Variants in KCNT1 observed in about 807,000 individuals in gnomAD.
KCNT1 encodes potassium channel subfamily T member 1.
In KCNT1, 78 loss-of-function variants were observed where a neutral mutation model predicts 147.8. The ratio of observed to expected loss-of-function variants is 0.53; its 90% confidence interval spans 0.44 to 0.64. The LOEUF is 0.64. KCNT1 is among the 30% of genes least tolerant of loss of function. The pLI, the probability that KCNT1 is intolerant of heterozygous loss-of-function variation, is 0.00. For missense variants in KCNT1, 1,419 were observed against 1,750.3 expected (o/e 0.81, Z 3.38); for synonymous variants, 867 against 748.8 (o/e 1.16, Z -2.58).
chr9:135,785,868 A>G (rs1834004084), intron 28 of KCNT1: 1 of 462,996 alleles, frequency 2.2e-6, no homozygotes, highest in Middle Eastern at 5.9e-4. Flanking sequence ...TGGGGTCCAG[A>G]TGGGTCCCAG....
intron 20 of KCNT1, among the ~76,000 whole-genome samples, chr9:135,776,473 C>T (rs781258946): frequency 3.9e-5 from 6 of 152,116 alleles, no homozygotes; most frequent in African/African-American, 9.7e-5. Context: ...CACTATGTTG[C>T]CCAGGCTAGT....
At chr9:135,772,139 C>T (rs1458685698) in intron 18 of KCNT1, among the ~76,000 whole-genome samples, 1 of 152,204 alleles carries the variant, frequency 6.6e-6, no homozygotes, top group Admixed American at 6.5e-5. Context: ...GCTGCTGCTG[C>T]CTAGCCACAC....
chr9:135,742,953 G>A (rs868751934), intron 2 of KCNT1: 57 of 643,926 alleles, frequency 8.9e-5, no homozygotes, highest in Non-Finnish European at 1.3e-4. Context: ...CCCAGTACCC[G>A]CTGGTGCCTC....
intron 2 of KCNT1, among the ~76,000 whole-genome samples, chr9:135,731,960 G>GTATATATACA (rs1836456673): frequency 4.8e-5 from 2 of 41,414 alleles, no homozygotes; most frequent in African/African-American, 1.8e-4. Context: ...AAATATGCGT[G>GTATATATACA]TATATATATA....
chr9:135,732,020 A>AGAGAGAGAGAGAGAGAGAGAGAGG (rs1836491149), intron 2 of KCNT1, among the ~76,000 whole-genome samples: 7 of 126,312 alleles, frequency 5.5e-5, no homozygotes, highest in African/African-American at 1.8e-4. Context: ...AGAGAGAGAG[A>AGAGAGAGAGAGAGAGAGAGAGAGG]GAGAGAGAGA....
At chr9:135,734,058 G>A (rs148647339) in intron 2 of KCNT1, among the ~76,000 whole-genome samples, 3 of 152,082 alleles carry the variant, frequency 2.0e-5, no homozygotes, top group Non-Finnish European at 2.9e-5. Context: ...CACTCAGCTC[G>A]CGGTAGGCAA....
chr9:135,707,799 C>T (rs499454), intron 1 of KCNT1, among the ~76,000 whole-genome samples: 129,605 of 152,204 alleles, frequency 0.85, 56,091 homozygotes, highest in Non-Finnish European at 0.93. Flanking sequence ...CCCCTCTTCC[C>T]GCCGGGCTGG....
At chr9:135,774,440 C>CTG (rs1259961301) in intron 19 of KCNT1, among the ~76,000 whole-genome samples, 1 of 85,660 alleles carries the variant, frequency 1.2e-5, no homozygotes. Context: ...TGTGGTGTGT[C>CTG]TGTGGTGTGT....
chr9:135,710,720 A>G (rs968994557), intron 1 of KCNT1, among the ~76,000 whole-genome samples: 1 of 152,164 alleles, frequency 6.6e-6, no homozygotes, highest in African/African-American at 2.4e-5. Flanking sequence ...GTTCCTTTTC[A>G]CAACTGCTGT....
chr9:135,723,890 C>T (rs962513179), intron 2 of KCNT1, among the ~76,000 whole-genome samples: 5 of 152,196 alleles, frequency 3.3e-5, no homozygotes, highest in Admixed American at 6.5e-5. Flanking sequence ...CCAGTCTGAG[C>T]GCCATGGCTC....
At position 135,752,519 on chromosome 9, in the gene KCNT1, C is replaced by T; in HGVS notation, c.435-1418C>T. The T allele has an allele frequency of 2.2e-6, 1 of 449,422 alleles. No homozygotes were observed. The highest frequency in any genetic ancestry group is 1.6e-5 in the South Asian group (1 of 63,498). The allele number at this position is 449,422 out of a possible 1,614,324, so 27.8% of individuals were successfully genotyped here. On this transcript the variant is annotated intron_variant, in intron 4 of 30. Coordinates refer to ENST00000371757, the MANE Select transcript of KCNT1 (RefSeq NM_020822.3). The surrounding 1 kb of genome is among the most constrained non-coding windows in gnomAD (Gnocchi z 5.1). ...CTTCTGGTTTCACATCCCCACAGGGCCCAAGTCTGTTGTGTTCACTGCCCG... is the reference window on the plus strand; with the variant it reads ...CTTCTGGTTTCACATCCCCACAGGGTCCAAGTCTGTTGTGTTCACTGCCCG...
chr9:135,752,384 A>C lies in KCNT1; in HGVS notation c.434+1343A>C, dbSNP rs1201505082. On this transcript the variant is annotated intron_variant, in intron 4 of 30. Transcript: ENST00000371757. The surrounding 1 kb of genome is among the most constrained non-coding windows in gnomAD (Gnocchi z 5.1). ...AACCTCCTGTCTTTGTCTAGGTCAG[A>C]AGAGGGCAGAACCCACTAGGAGAGT... is the stretch of plus-strand genomic sequence containing the variant. 4 of 456,310 alleles carry C rather than the reference A, an allele frequency of 8.8e-6. No homozygotes were observed. The highest frequency in any genetic ancestry group is 7.0e-5 in the Admixed American group (3 of 42,556). 28.3% of individuals were successfully genotyped at this position (456,310 alleles called of 1,614,324 possible).
chr9:135,783,477 G>C (rs901668492), intron 24 of KCNT1, among the ~76,000 whole-genome samples: 1 of 152,244 alleles, frequency 6.6e-6, no homozygotes, highest in African/African-American at 2.4e-5. Context: ...AAACGGGAGA[G>C]AGGAGACAGG....
chr9:135,769,340 C>T (rs1156448315), intron 15 of KCNT1, among the ~76,000 whole-genome samples: 2 of 151,660 alleles, frequency 1.3e-5, no homozygotes, highest in Non-Finnish European at 2.9e-5. Context: ...TGGGGCAGGG[C>T]GCATGTGCAC....
intron 2 of KCNT1, among the ~76,000 whole-genome samples, chr9:135,746,411 G>T (rs1247029877): frequency 6.6e-6 from 1 of 152,228 alleles, no homozygotes; most frequent in Non-Finnish European, 1.5e-5. Context: ...AGGTCAAGGG[G>T]CCTCAAAGAG....
intron 19 of KCNT1, among the ~76,000 whole-genome samples, chr9:135,774,590 T>G (rs1229524916): frequency 6.6e-6 from 1 of 151,824 alleles, no homozygotes; most frequent in Non-Finnish European, 1.5e-5. Flanking sequence ...TGTGTCCATG[T>G]GTGGTACGTG....
chr9:135,775,973 C>A (rs1245986184), intron 20 of KCNT1, among the ~76,000 whole-genome samples: 1 of 150,238 alleles, frequency 6.7e-6, no homozygotes, highest in Non-Finnish European at 1.5e-5. Flanking sequence ...GAGCAGGGAC[C>A]AGTGACCTGG....
chr9:135,725,497 G>T (rs1454480386), intron 2 of KCNT1, among the ~76,000 whole-genome samples: 1 of 152,212 alleles, frequency 6.6e-6, no homozygotes. Flanking sequence ...AGCTGGAGAC[G>T]GCGGAGGACC....
rs1831067002 is a variant in KCNT1, at chr9:135,750,141, C to T, written c.298C>T (p.Arg100Trp). The stretch of plus-strand genomic sequence containing the variant: ...CGTCAACGAGAACACCTTCAAGGAG[C>T]GGCTCAAGCTGTTCTTCATCAAAAA... Reference protein sequence around the residue: ...FYVNENTFKERLKLFFIKNQR... With the variant: ...FYVNENTFKEWLKLFFIKNQR... The change falls in exon 3 of 31, where the codon CGG (arginine) becomes TGG (tryptophan). Residue 100 changes from arginine to tryptophan, a missense_variant. Physicochemically the swap from Arg to Trp is moderately radical, Grantham distance 101. Coordinates refer to ENST00000371757, the MANE Select transcript of KCNT1 (RefSeq NM_020822.3). 1.1e-5 allele frequency: 17 copies of T among 1,613,686 alleles called. No homozygotes were observed. Among genetic ancestry groups the T allele is most frequent in the Non-Finnish European group, 1.4e-5 (17 of 1,179,932 alleles).
Sources: gnomAD v4.1 joint callset for allele counts (sites outside exome capture counted in the v4.1 genomes callset) on GRCh38, gnomAD v4.1.1 for gene constraint, Gnocchi (gnomAD v3.1) non-coding constraint, MANE v1.5 for transcripts, NCBI Gene and HGNC (gene_info 2026-07-23, HGNC 2026-07-21) for gene names.